CADPS2: variants seen among roughly 807,000 people sequenced by gnomAD.
The protein encoded by CADPS2 is calcium dependent secretion activator 2.
CADPS2 carries 93 observed loss-of-function variants against 172.5 expected under a neutral mutation model. The ratio of observed to expected loss-of-function variants is 0.54; its 90% CI spans 0.46 to 0.64. The LOEUF is 0.64. Ranked by LOEUF, CADPS2 falls within the 30% of genes least tolerant of loss-of-function variation. CADPS2 has a pLI of 0.00. For missense variants in CADPS2, 1,420 were observed against 1,565.9 expected (o/e 0.91, Z 1.57); for synonymous variants, 546 against 555.2 (o/e 0.98, Z 0.23).
chr7:122,641,946 T>C (rs531410117), intron 3 of CADPS2, among the ~76,000 whole-genome samples: 4 of 151,952 alleles, frequency 2.6e-5, no homozygotes, highest in African/African-American at 9.7e-5. Context: ...TCTGGAATGA[T>C]AGCATCAGGA....
chr7:122,453,583 C>T (rs28406245), intron 14 of CADPS2, among the ~76,000 whole-genome samples: 8,596 of 152,222 alleles, frequency 0.056, 323 homozygotes, highest in Non-Finnish European at 0.062. Flanking sequence ...TATCCCTAGG[C>T]AAATTGATAA....
At chr7:122,474,705 G>A (rs572051470) in intron 12 of CADPS2, among the ~76,000 whole-genome samples, 188 bp from the exon 13 acceptor site, 9 of 152,006 alleles carry the variant, frequency 5.9e-5, no homozygotes, top group Non-Finnish European at 5.9e-5. Flanking sequence ...AAAAACAACA[G>A]CAAAAAATCT....
At chr7:122,333,930 C>A (rs2035428954) in intron 28 of CADPS2, among the ~76,000 whole-genome samples, 1 of 151,116 alleles carries the variant, frequency 6.6e-6, no homozygotes, top group Non-Finnish European at 1.5e-5. Flanking sequence ...AGACAGGCAG[C>A]TTTTCAATAG....
intron 2 of CADPS2, among the ~76,000 whole-genome samples, chr7:122,667,656 GA>G (rs1299650785): frequency 3.9e-4 from 59 of 152,266 alleles, no homozygotes; most frequent in African/African-American, 1.4e-3. Flanking sequence ...AACCCACACA[GA>G]GGGAGAAAAG....
chr7:122,782,497 G>A (rs191984515), intron 1 of CADPS2, among the ~76,000 whole-genome samples: 1 of 152,292 alleles, frequency 6.6e-6, no homozygotes, highest in African/African-American at 2.4e-5. Context: ...TGCGGTCCCA[G>A]CTACTCAGGA....
At chr7:122,553,641 ATCC>A (rs1325077952) in intron 8 of CADPS2, among the ~76,000 whole-genome samples, 1 of 151,998 alleles carries the variant, frequency 6.6e-6, no homozygotes, top group African/African-American at 2.4e-5. Context: ...CATCTAAAGA[ATCC>A]TCCTCATTTT....
At chr7:122,666,687 G>A (rs950820133) in intron 2 of CADPS2, among the ~76,000 whole-genome samples, 2 of 152,056 alleles carry the variant, frequency 1.3e-5, no homozygotes, top group East Asian at 3.9e-4. Context: ...GCCGGAGGAC[G>A]TACACTGGAA....
At chr7:122,718,225 C>A (rs1449301220) in intron 2 of CADPS2, among the ~76,000 whole-genome samples, 1 of 151,956 alleles carries the variant, frequency 6.6e-6, no homozygotes, top group Non-Finnish European at 1.5e-5. Flanking sequence ...ACAATTCAAC[C>A]ATTACATCTT....
At chr7:122,698,640 G>T (rs2085528780) in intron 2 of CADPS2, 2 of 1,613,872 alleles carry the variant, frequency 1.2e-6, no homozygotes, top group African/African-American at 1.3e-5. Flanking sequence ...ACTTTGATCG[G>T]CTGAAAATGG....
At chr7:122,388,465 T>A in intron 23 of CADPS2, 118 bp downstream of exon 23, 1 of 1,018,536 alleles carries the variant, frequency 9.8e-7, no homozygotes, top group Non-Finnish European at 1.4e-6. Flanking sequence ...TCATTAAATG[T>A]TGGAATAGTG....
intron 3 of CADPS2, among the ~76,000 whole-genome samples, chr7:122,645,383 A>G (rs1451808385): frequency 1.1e-4 from 7 of 65,344 alleles, no homozygotes; most frequent in African/African-American, 3.4e-4. Flanking sequence ...ACACATATGT[A>G]CATGTGTGTG....
chr7:122,635,073 T>C (rs2076932666), intron 3 of CADPS2, among the ~76,000 whole-genome samples: 1 of 152,186 alleles, frequency 6.6e-6, no homozygotes, highest in Admixed American at 6.5e-5. Context: ...ACCAAGCATG[T>C]GTCAATCTTA....
intron 4 of CADPS2, among the ~76,000 whole-genome samples, chr7:122,625,886 T>C (rs2076042248): frequency 6.6e-6 from 1 of 152,214 alleles, no homozygotes; most frequent in South Asian, 2.1e-4. Flanking sequence ...GATATTGGTC[T>C]AGATATATGA....
chr7:122,452,749 C>T (rs969800946), intron 14 of CADPS2, among the ~76,000 whole-genome samples: 2 of 152,108 alleles, frequency 1.3e-5, no homozygotes, highest in African/African-American at 2.4e-5. Context: ...GTGCATTTAT[C>T]ATTCCAATGT....
chr7:122,411,487 T>C (rs1344901124), intron 19 of CADPS2, among the ~76,000 whole-genome samples: 1 of 152,194 alleles, frequency 6.6e-6, no homozygotes, highest in Non-Finnish European at 1.5e-5. Flanking sequence ...CCCAAAGTGC[T>C]GGGATTACAG....
At chr7:122,604,915 T>C (rs1034213905) in intron 6 of CADPS2, among the ~76,000 whole-genome samples, 17 of 152,150 alleles carry the variant, frequency 1.1e-4, no homozygotes, top group Middle Eastern at 3.4e-3. Flanking sequence ...GTGAACATCA[T>C]AGAGTGTGAA....
At position 122,390,317 on chromosome 7, in the gene CADPS2, A is replaced by G. The variant is rs1262003517; in HGVS notation, c.3009-1579T>C. 2.0e-5 allele frequency among the ~76,000 whole-genome samples: 3 copies of G among 152,138 alleles called. No individual in the cohort carries two copies. The East Asian group carries it at 5.8e-4, about 29-fold the overall frequency. Reference sequence around the variant, plus strand: ...CTTTATTTCTCCTTTTGCCATATATATCATACAATTAAGAGAAAACAAACA... The same window carrying G: ...CTTTATTTCTCCTTTTGCCATATATGTCATACAATTAAGAGAAAACAAACA... On this transcript the variant is annotated intron_variant, in intron 22 of 29. Transcript: ENST00000449022.
intron 8 of CADPS2, among the ~76,000 whole-genome samples, chr7:122,530,104 G>A (rs900361798): frequency 8.6e-5 from 13 of 151,994 alleles, no homozygotes; most frequent in Admixed American, 8.5e-4. Context: ...TAATGCAGAA[G>A]ATATTATAAA....
chr7:122,370,904 T>C (rs1421192504), intron 25 of CADPS2, among the ~76,000 whole-genome samples: 1 of 152,036 alleles, frequency 6.6e-6, no homozygotes, highest in Non-Finnish European at 1.5e-5. Flanking sequence ...TGCTAAAAAG[T>C]TTTTCTTGTG....
Sources: allele counts gnomAD v4.1 joint callset (sites outside exome capture counted in the v4.1 genomes callset), GRCh38; gene constraint gnomAD v4.1.1; transcripts MANE v1.5; gene names NCBI Gene and HGNC (gene_info 2026-07-23, HGNC 2026-07-21).